PRRC2B: variants seen among roughly 807,000 people sequenced by gnomAD.
The protein encoded by PRRC2B is protein PRRC2B.
In PRRC2B, 68 loss-of-function variants were observed where a neutral mutation model predicts 242.3. The observed-to-expected ratio is 0.28, with a 90% confidence interval of 0.23 to 0.34. The LOEUF (loss-of-function observed/expected upper bound fraction) is 0.34, where lower values mean the gene tolerates loss of function less well. PRRC2B is among the 10% of genes least tolerant of loss of function. The probability of loss-of-function intolerance (pLI) is 1.00; values close to 1 mark genes in which losing one functional copy is unlikely to be tolerated. For missense variants in PRRC2B, 2,835 were observed against 2,954.8 expected, an observed-to-expected ratio of 0.96 and a Z score of 0.94; for synonymous variants, 1,228 against 1,173.6, an observed-to-expected ratio of 1.05 and a Z score of -0.95.
chr9:131,427,691 C>T (rs1358427738), intron 1 of PRRC2B, among the ~76,000 whole-genome samples: 1 of 152,104 alleles, frequency 6.6e-6, no homozygotes, highest in African/African-American at 2.4e-5. Flanking sequence ...CCCACCACAT[C>T]GCATGTGTTC....
chr9:131,422,439 T>G (rs1372359024), intron 1 of PRRC2B, among the ~76,000 whole-genome samples: 6 of 152,180 alleles, frequency 3.9e-5, no homozygotes, highest in Non-Finnish European at 7.3e-5. Context: ...GAAAGTGCTG[T>G]TATGAAGGGG....
intron 11 of PRRC2B, among the ~76,000 whole-genome samples, chr9:131,463,796 T>G (rs1227728080): frequency 6.6e-6 from 1 of 151,816 alleles, no homozygotes; most frequent in East Asian, 1.9e-4. Flanking sequence ...TTTTCGTATT[T>G]TTTTGGGGGG....
chr9:131,478,635 TG>T lies in PRRC2B; in HGVS notation c.4758+23del. ...GGCCGTGCAGGTGAGGGGCGGAGGG[TG>T]GGGGGGCATGGGGCTGGAGGGCAGG... On this transcript the variant is annotated intron_variant, in intron 18 of 31. Transcript: ENST00000683519. 21 of 176,580 alleles carry T rather than the reference TG, an allele frequency of 1.2e-4. No individual in the cohort carries two copies. Among genetic ancestry groups the T allele is most frequent in the Non-Finnish European group, 1.8e-4 (16 of 89,382 alleles). 10.9% of individuals were successfully genotyped at this position (176,580 alleles called of 1,614,324 possible). A position where few individuals can be genotyped will look rare whatever the true frequency, so the allele number is the denominator to read the frequency against.
chr9:131,432,744 C>T lies in PRRC2B; in HGVS notation c.243C>T (p.Pro81=), dbSNP rs376558557. The T allele has an allele frequency of 1.9e-6, 3 of 1,613,942 alleles. No individual in the cohort carries two copies. The highest frequency in any genetic ancestry group is 1.7e-5 in the Admixed American group (1 of 60,006). ...ACGACCCCAACATCGTGATAGTACCCAAGGACGGGACGGGATGGGCAAACA... is the reference window on the plus strand; with the variant it reads ...ACGACCCCAACATCGTGATAGTACCTAAGGACGGGACGGGATGGGCAAACA... ...KGNDPNIVIV[P]KDGTGWANKQ... The change falls in exon 3 of 32, where the codon CCC becomes CCT. Residue 81 remains proline (P), a synonymous_variant. Transcript: ENST00000683519.
chr9:131,420,317 C>T (rs190852232), intron 1 of PRRC2B, among the ~76,000 whole-genome samples: 19 of 151,906 alleles, frequency 1.3e-4, no homozygotes, highest in Admixed American at 4.6e-4. Flanking sequence ...GGTAGAATGC[C>T]TGGATTGTGC....
At chr9:131,383,441 C>T (rs1836786940) in intron 1 of PRRC2B, among the ~76,000 whole-genome samples, 1 of 152,074 alleles carries the variant, frequency 6.6e-6, no homozygotes, top group Admixed American at 6.6e-5. Flanking sequence ...TCCTCCTACC[C>T]TTTCTCGGGA....
In PRRC2B at chr9:131,474,860, C is replaced by T; in HGVS notation, c.2731C>T (p.Gln911Ter). The T allele has an allele frequency of 6.2e-7, 1 of 1,607,446 alleles. No individual in the cohort carries two copies. The highest frequency in any genetic ancestry group is 8.5e-7 in the Non-Finnish European group (1 of 1,177,558). ...SWDKNGSPNK[Q>*]PSSEPEWTPE... ...GGACAAGAACGGGAGCCCCAACAAA[C>T]AGCCATCCTCGGAGCCTGAATGGAC... The change falls in exon 16 of 32, where the codon CAG becomes TAG. Residue 911 changes from glutamine to a stop codon, truncating the protein, a stop_gained. Transcript: ENST00000683519. LOFTEE classifies it high-confidence loss of function.
At chr9:131,420,106 A>T (rs1313835250) in intron 1 of PRRC2B, among the ~76,000 whole-genome samples, 1 of 151,880 alleles carries the variant, frequency 6.6e-6, no homozygotes, top group African/African-American at 2.4e-5. Flanking sequence ...CTTATTTTAA[A>T]TTTGTTGCTT....
intron 9 of PRRC2B, among the ~76,000 whole-genome samples, chr9:131,452,257 C>A (rs2131399326): frequency 6.6e-6 from 1 of 152,298 alleles, no homozygotes; most frequent in South Asian, 2.1e-4. Flanking sequence ...CTCAAGTGAT[C>A]CTCCTGCCTC....
intron 14 of PRRC2B, 64 bp from the exon 15 acceptor site, chr9:131,473,443 TG>T: frequency 7.7e-7 from 1 of 1,298,200 alleles, no homozygotes; most frequent in East Asian, 2.5e-5. Context: ...GGCCTTTGGT[TG>T]ACCCTGAGAT....
At chr9:131,404,286 C>T (rs1383751769) in intron 1 of PRRC2B, among the ~76,000 whole-genome samples, 10 of 143,398 alleles carry the variant, frequency 7.0e-5, no homozygotes, top group African/African-American at 2.6e-4. Context: ...ATGGCGTGAT[C>T]TTGGCTCACT....
chr9:131,481,908 G>T (rs1269838429), intron 20 of PRRC2B, 100 bp downstream of exon 20: 4 of 1,048,304 alleles, frequency 3.8e-6, no homozygotes, highest in African/African-American at 1.6e-5. Context: ...CCAAGCCCCT[G>T]CCACAGCAGC....
chr9:131,420,249 T>G (rs1451784914), intron 1 of PRRC2B, among the ~76,000 whole-genome samples: 1 of 151,904 alleles, frequency 6.6e-6, no homozygotes, highest in Admixed American at 6.6e-5. Context: ...TCAGGCTGTT[T>G]ATTCTTGGAG....
chr9:131,390,825 C>T (rs1447975738), upstream of PRRC2B, among the ~76,000 whole-genome samples: 69 of 134,580 alleles, frequency 5.1e-4, no homozygotes, highest in Non-Finnish European at 9.1e-4. Context: ...CTCGCTCTGT[C>T]GCCCAGGCTA....
intron 12 of PRRC2B, 103 bp downstream of exon 12, chr9:131,465,181 TAC>T (rs1943357186): frequency 8.9e-7 from 1 of 1,122,370 alleles, no homozygotes; most frequent in Non-Finnish European, 1.3e-6. Context: ...ACGTATGGCT[TAC>T]AACGAGATCG....
intron 1 of PRRC2B, among the ~76,000 whole-genome samples, chr9:131,399,842 T>TC (rs1837181682): frequency 3.9e-5 from 6 of 152,328 alleles, no homozygotes; most frequent in Admixed American, 2.0e-4. Context: ...ATGCCATAAT[T>TC]TATTGACTCC....
intron 1 of PRRC2B, among the ~76,000 whole-genome samples, chr9:131,412,735 C>G (rs987390965): frequency 1.3e-5 from 2 of 150,970 alleles, no homozygotes; most frequent in African/African-American, 4.9e-5. Context: ...TTGACAAACT[C>G]ATTCTGAAAT....
intron 2 of PRRC2B, among the ~76,000 whole-genome samples, chr9:131,431,103 A>G (rs1229026282): frequency 1.3e-5 from 2 of 152,078 alleles, no homozygotes; most frequent in Non-Finnish European, 2.9e-5. Context: ...GGCATGTGCC[A>G]CCACGCCCGG....
intron 16 of PRRC2B, among the ~76,000 whole-genome samples, 151 bp downstream of exon 16, chr9:131,476,686 T>C (rs1943711510): frequency 6.6e-6 from 1 of 152,050 alleles, no homozygotes; most frequent in South Asian, 2.1e-4. Context: ...TGCCCCCACA[T>C]TGCCTGTCTG....
Sources: allele counts gnomAD v4.1 joint callset (sites outside exome capture counted in the v4.1 genomes callset), GRCh38; gene constraint gnomAD v4.1.1; transcripts MANE v1.5; gene names NCBI Gene and HGNC (gene_info 2026-07-23, HGNC 2026-07-21).